CACUL1: variants seen among roughly 807,000 people sequenced by gnomAD.
The protein encoded by CACUL1 is CDK2 associated cullin domain 1, also known as CDK2-associated and cullin domain-containing protein 1.
CACUL1 carries 13 observed loss-of-function variants against 45.2 expected under a neutral mutation model. That is an observed-to-expected ratio of 0.29 (90% CI 0.19 to 0.46). The LOEUF (loss-of-function observed/expected upper bound fraction) is 0.46. Ranked by LOEUF, CACUL1 falls within the 20% of genes least tolerant of loss-of-function variation. CACUL1 has a pLI of 1.00. For missense variants in CACUL1, 421 were observed against 471.4 expected, an observed-to-expected ratio of 0.89 and a Z score of 0.99; for synonymous variants, 197 against 174.2, an observed-to-expected ratio of 1.13 and a Z score of -1.03.
intron 4 of CACUL1, among the ~76,000 whole-genome samples, chr10:118,702,064 C>A (rs1421630379): frequency 6.6e-6 from 1 of 152,164 alleles, no homozygotes; most frequent in Non-Finnish European, 1.5e-5. Flanking sequence ...TGGCCGGTTT[C>A]TGCCTTAACT....
rs745519157 is a variant in CACUL1, at chr10:118,679,060, G to A, written c.*7068C>T. 1 of 152,066 alleles carries A rather than the reference G, an allele frequency of 6.6e-6. No individual in the cohort carries two copies. The highest frequency in any genetic ancestry group is 6.6e-5 in the Admixed American group (1 of 15,254). 9.4% of individuals were successfully genotyped at this position (152,066 alleles called of 1,614,324 possible). A position where few individuals can be genotyped will look rare whatever the true frequency, so the allele number is the denominator to read the frequency against. ...CTTTTTAAATATTTTTCTCGACAGG[G>A]TCTCACTCTGTTATCCTAGCTGAAA... On this transcript the variant is annotated 3_prime_UTR_variant, in exon 9 of 9. Coordinates refer to ENST00000369151, the MANE Select transcript of CACUL1 (RefSeq NM_153810.5).
rs374242573 is a variant in CACUL1, at chr10:118,746,012, C to T, written c.367+8384G>A. Reference sequence around the variant, plus strand: ...ACAAAAAAAAAAAAAATTAGCTGGGCGTGGTGGCTGGCGCCTGTAGTCCCA... The same window carrying T: ...ACAAAAAAAAAAAAAATTAGCTGGGTGTGGTGGCTGGCGCCTGTAGTCCCA... On this transcript the variant is annotated intron_variant, in intron 1 of 8. Coordinates refer to ENST00000369151, the MANE Select transcript of CACUL1 (RefSeq NM_153810.5). Among the ~76,000 whole-genome samples, 91 of 150,856 alleles carry T rather than the reference C, an allele frequency of 6.0e-4. 1 individual carries two copies. The East Asian group carries it at 0.013, about 22-fold the overall frequency.
intron 1 of CACUL1, among the ~76,000 whole-genome samples, chr10:118,746,407 T>G (rs1340376073): frequency 6.6e-6 from 1 of 152,210 alleles, no homozygotes; most frequent in African/African-American, 2.4e-5. Context: ...GATATCCATA[T>G]AGAATAAACG....
chr10:118,740,986 A>G (rs192212370), intron 1 of CACUL1, among the ~76,000 whole-genome samples: 96 of 152,190 alleles, frequency 6.3e-4, no homozygotes, highest in Non-Finnish European at 1.3e-3. Context: ...AAGGTATGTT[A>G]GAGGTATAAG....
At chr10:118,729,163 A>G in intron 3 of CACUL1, 132 bp downstream of exon 3, 1 of 640,094 alleles carries the variant, frequency 1.6e-6, no homozygotes, top group Non-Finnish European at 2.7e-6. Context: ...TTTGATCAAC[A>G]TTCACCTAGA....
chr10:118,729,272 A>T (rs1564836465), intron 3 of CACUL1, 23 bp downstream of exon 3: 1 of 1,576,478 alleles, frequency 6.3e-7, no homozygotes, highest in African/African-American at 1.3e-5. Flanking sequence ...AGGAAGCAAA[A>T]ATCAATACAA....
chr10:118,718,727 C>T (rs904350958), intron 3 of CACUL1, among the ~76,000 whole-genome samples: 4 of 152,152 alleles, frequency 2.6e-5, no homozygotes, highest in Non-Finnish European at 5.9e-5. Flanking sequence ...GCGCCCGCCA[C>T]CACGCCCGGC....
At chr10:118,753,341 C>T (rs1281751024) in intron 1 of CACUL1, among the ~76,000 whole-genome samples, 1 of 152,258 alleles carries the variant, frequency 6.6e-6, no homozygotes, top group Non-Finnish European at 1.5e-5. Flanking sequence ...CTATCTGCAT[C>T]AAGGCAAATA....
chr10:118,690,988 T>G (rs902850815), intron 7 of CACUL1, among the ~76,000 whole-genome samples: 2 of 151,972 alleles, frequency 1.3e-5, no homozygotes, highest in African/African-American at 4.8e-5. Context: ...GAGGTGGAGG[T>G]TGTGGTAAGC....
intron 3 of CACUL1, among the ~76,000 whole-genome samples, chr10:118,713,632 G>A (rs1845514352): frequency 6.6e-6 from 1 of 152,160 alleles, no homozygotes; most frequent in Non-Finnish European, 1.5e-5. Flanking sequence ...AAATTCAAAT[G>A]AGTTCAAATG....
intron 2 of CACUL1, 78 bp from the exon 3 acceptor site, chr10:118,729,475 T>C: frequency 1.1e-6 from 1 of 949,892 alleles, no homozygotes; most frequent in Non-Finnish European, 1.7e-6. Flanking sequence ...AAGCACACTT[T>C]TGATATATAA....
At chr10:118,712,520 T>C (rs1001799391) in intron 3 of CACUL1, among the ~76,000 whole-genome samples, 1 of 152,236 alleles carries the variant, frequency 6.6e-6, no homozygotes, top group Non-Finnish European at 1.5e-5. Context: ...TCCTGAGTTC[T>C]TGTCCTGTGA....
intron 6 of CACUL1, among the ~76,000 whole-genome samples, chr10:118,694,640 G>T (rs1290362627): frequency 6.6e-6 from 1 of 152,140 alleles, no homozygotes; most frequent in Non-Finnish European, 1.5e-5. Context: ...GACACATTAA[G>T]AATTTAAAAA....
Position 118,683,519 on chromosome 10 carries a change from G to C in CACUL1, c.*2609C>G, listed in dbSNP as rs958623436. On this transcript the variant is annotated 3_prime_UTR_variant, in exon 9 of 9. Coordinates refer to ENST00000369151, the MANE Select transcript of CACUL1 (RefSeq NM_153810.5). ...AGCCTGACCAACATGGTGAAACCCC[G>C]TCTCTACTAAAAACAAAATACAAAA... The C allele has an allele frequency of 6.6e-6, 1 of 151,620 alleles. No individual in the cohort carries two copies. The highest frequency in any genetic ancestry group is 2.4e-5 in the African/African-American group (1 of 41,272). 9.4% of individuals were successfully genotyped at this position (151,620 alleles called of 1,614,324 possible). A position where few individuals can be genotyped will look rare whatever the true frequency, so the allele number is the denominator to read the frequency against.
chr10:118,743,782 TTAAAG>T (rs1382961257), intron 1 of CACUL1, among the ~76,000 whole-genome samples: 1 of 152,018 alleles, frequency 6.6e-6, no homozygotes, highest in East Asian at 1.9e-4. Flanking sequence ...GAAAGACTCT[TTAAAG>T]TATTTATAGA....
At chr10:118,696,276 G>C (rs942969515) in intron 5 of CACUL1, among the ~76,000 whole-genome samples, 1 of 152,102 alleles carries the variant, frequency 6.6e-6, no homozygotes, top group Non-Finnish European at 1.5e-5. Flanking sequence ...AAGAAGAACT[G>C]TCTTGGGCCA....
intron 3 of CACUL1, among the ~76,000 whole-genome samples, chr10:118,715,875 A>G (rs1408584138): frequency 6.6e-6 from 1 of 152,240 alleles, no homozygotes; most frequent in Non-Finnish European, 1.5e-5. Flanking sequence ...ATGACAAAAC[A>G]TGTATCTTTG....
In CACUL1 at chr10:118,685,374, G is replaced by A. The variant is rs181576021; in HGVS notation, c.*754C>T. 4 of 125,608 alleles carry A rather than the reference G, an allele frequency of 3.2e-5. No homozygotes were observed. The highest frequency in any genetic ancestry group is 9.0e-5 in the Admixed American group (1 of 11,088). 7.8% of individuals were successfully genotyped at this position (125,608 alleles called of 1,614,324 possible). ...GCTCTGGTGAACCAGGGGAAAATCC[G>A]ACCCATGTGCAAAAGGTTTCTATTT... On this transcript the variant is annotated 3_prime_UTR_variant, in exon 9 of 9. Coordinates refer to ENST00000369151, the MANE Select transcript of CACUL1 (RefSeq NM_153810.5).
chr10:118,724,899 G>A (rs181006355), intron 3 of CACUL1, among the ~76,000 whole-genome samples: 35 of 152,278 alleles, frequency 2.3e-4, no homozygotes, highest in Non-Finnish European at 4.6e-4. Flanking sequence ...CTCAGTATGA[G>A]GTATCTATAA....
Sources: gnomAD v4.1 joint callset for allele counts (sites outside exome capture counted in the v4.1 genomes callset) on GRCh38, gnomAD v4.1.1 for gene constraint, MANE v1.5 for transcripts, NCBI Gene and HGNC (gene_info 2026-07-23, HGNC 2026-07-21) for gene names.